TUT4: variants seen among roughly 807,000 people sequenced by gnomAD.
TUT4 encodes the protein terminal uridylyltransferase 4.
A neutral mutation model predicts 192.2 loss-of-function variants in TUT4; 36 were observed. The ratio of observed to expected loss-of-function variants is 0.19; its 90% CI spans 0.14 to 0.25. The LOEUF (loss-of-function observed/expected upper bound fraction) is 0.25. Among genes scored for constraint, TUT4 ranks in the 10% least tolerant of loss-of-function variants. The pLI is 1.00. For missense variants in TUT4, 1,493 were observed against 1,957.2 expected, an observed-to-expected ratio of 0.76 and a Z score of 4.47; for synonymous variants, 618 against 666.0, an observed-to-expected ratio of 0.93 and a Z score of 1.11.
chr1:52,430,148 T>A (rs1651584336), intron 28 of TUT4, among the ~76,000 whole-genome samples: 1 of 152,102 alleles, frequency 6.6e-6, no homozygotes, highest in Non-Finnish European at 1.5e-5. Flanking sequence ...TACTTAGATA[T>A]CAGAAAAAAA....
At chr1:52,490,303 C>T (rs1670831997) in intron 8 of TUT4, among the ~76,000 whole-genome samples, 1 of 151,852 alleles carries the variant, frequency 6.6e-6, no homozygotes. Flanking sequence ...GGCACACACA[C>T]CCACCATGCC....
intron 2 of TUT4, among the ~76,000 whole-genome samples, chr1:52,518,733 C>T (rs1448147327): frequency 6.6e-6 from 1 of 152,152 alleles, no homozygotes; most frequent in Non-Finnish European, 1.5e-5. Context: ...TGTATGATTT[C>T]ATTTCTATGA....
chr1:52,493,556 C>T, intron 7 of TUT4, 55 bp downstream of exon 7: 1 of 1,250,708 alleles, frequency 8.0e-7, no homozygotes, highest in Non-Finnish European at 1.1e-6. Flanking sequence ...AACACATGTA[C>T]CTTTAGAAAG....
intron 28 of TUT4, among the ~76,000 whole-genome samples, chr1:52,429,146 C>T (rs1349344203): frequency 4.8e-5 from 7 of 146,370 alleles, no homozygotes; most frequent in South Asian, 4.4e-4. Context: ...TGCAGTGGCA[C>T]GATCTCGGCT....
At position 52,513,907 on chromosome 1, in the gene TUT4, G is replaced by A. The variant is rs139441428; in HGVS notation, c.882+1984C>T. ...CAAAATTATAACACCTAGCGCATAG[G>A]GCTGTTATGAGGATTAAATAACACA... On this transcript the variant is annotated intron_variant, in intron 3 of 29. Transcript: ENST00000257177. 5.0e-3 allele frequency among the ~76,000 whole-genome samples: 768 copies of A among 152,104 alleles called. 8 individuals are homozygous for A. The highest frequency in any genetic ancestry group is 0.017 in the African/African-American group (711 of 41,484).
At chr1:52,445,699 A>C in intron 24 of TUT4, 88 bp downstream of exon 24, 1 of 959,146 alleles carries the variant, frequency 1.0e-6, no homozygotes, top group Non-Finnish European at 1.6e-6. Context: ...CTCTTTCCCT[A>C]TATCTAACAT....
intron 4 of TUT4, among the ~76,000 whole-genome samples, chr1:52,508,523 C>T (rs1027776477): frequency 1.3e-5 from 2 of 152,032 alleles, no homozygotes; most frequent in African/African-American, 4.8e-5. Flanking sequence ...AGACACTGTC[C>T]TAAGGAACTC....
At chr1:52,431,608 A>C (rs1231696647) in intron 27 of TUT4, 148 bp from the exon 28 acceptor site, 2 of 611,942 alleles carry the variant, frequency 3.3e-6, no homozygotes, top group Non-Finnish European at 4.9e-6. Context: ...CAAGGTACTC[A>C]AACCCCCTTT....
intron 4 of TUT4, among the ~76,000 whole-genome samples, 179 bp from the exon 5 acceptor site, chr1:52,497,362 T>TAAA (rs1672711236): frequency 6.6e-6 from 1 of 152,224 alleles, no homozygotes; most frequent in Non-Finnish European, 1.5e-5. Context: ...AGCAGGGTTT[T>TAAA]GAGAATGAGA....
rs1249324973 is a variant in TUT4, at chr1:52,468,439, G to GA, written c.2879-173dup. On this transcript the variant is annotated intron_variant, in intron 14 of 29. Coordinates refer to ENST00000257177, the MANE Select transcript of TUT4 (RefSeq NM_001009881.3). ...TGGGGAAGGGTCTGGGAGATAGAAG[G>GA]AAAAAAACTGTTTTTCTGTTTTAGC... 7 of 513,322 alleles carry GA rather than the reference G, an allele frequency of 1.4e-5. No individual in the cohort carries two copies. In the East Asian group the frequency reaches 2.4e-4, roughly 17 times the overall value. The allele number at this position is 513,322 out of a possible 1,614,324, so 31.8% of individuals were successfully genotyped here.
intron 2 of TUT4, among the ~76,000 whole-genome samples, chr1:52,523,064 C>T (rs1448936657): frequency 2.4e-5 from 3 of 125,254 alleles, no homozygotes; most frequent in African/African-American, 3.0e-5. Context: ...GCGATCCTGG[C>T]TCACTGCAAC....
intron 2 of TUT4, among the ~76,000 whole-genome samples, chr1:52,518,035 T>C (rs1413046805): frequency 6.6e-6 from 1 of 152,156 alleles, no homozygotes; most frequent in Non-Finnish European, 1.5e-5. Context: ...AACAAAATAA[T>C]ACCAGGCAGA....
chr1:52,488,830 A>T, intron 9 of TUT4, 79 bp downstream of exon 9: 1 of 1,428,702 alleles, frequency 7.0e-7, no homozygotes, highest in Non-Finnish European at 9.3e-7. Flanking sequence ...ATGTCAGTAC[A>T]AGAAAAGGCC....
intron 4 of TUT4, among the ~76,000 whole-genome samples, chr1:52,498,903 TATATATATA>T (rs1673247808): frequency 9.9e-4 from 1 of 1,006 alleles, no homozygotes; most frequent in African/African-American, 1.4e-3. Context: ...AAAAAAAAAT[TATATATATA>T]TATATATATA....
chr1:52,446,708 T>C (rs1307004166), intron 20 of TUT4, 41 bp from the exon 21 acceptor site: 2 of 1,497,864 alleles, frequency 1.3e-6, no homozygotes, highest in Non-Finnish European at 9.1e-7. Flanking sequence ...TTTCAAGTGA[T>C]CCAACCCAAA....
At chr1:52,440,545 A>G (rs1655230769) in intron 24 of TUT4, among the ~76,000 whole-genome samples, 3 of 151,958 alleles carry the variant, frequency 2.0e-5, no homozygotes, top group Non-Finnish European at 2.9e-5. Context: ...GACAACATAA[A>G]GGTCTTAATT....
chr1:52,521,246 A>G (rs1680191584), intron 2 of TUT4, among the ~76,000 whole-genome samples: 1 of 152,248 alleles, frequency 6.6e-6, no homozygotes, highest in Non-Finnish European at 1.5e-5. Context: ...CCAAAAAACA[A>G]AATTTTATTG....
chr1:52,489,367 G>A (rs996038527), intron 8 of TUT4, among the ~76,000 whole-genome samples: 1 of 152,134 alleles, frequency 6.6e-6, no homozygotes, highest in African/African-American at 2.4e-5. Context: ...GAGAGACAGG[G>A]CACTGATCTC....
rs1300529632 is a variant in TUT4, at chr1:52,431,203, G to A, written c.4521C>T (p.Pro1507=). The A allele has an allele frequency of 8.7e-6, 14 of 1,614,220 alleles. No individual in the cohort carries two copies. The highest frequency in any genetic ancestry group is 1.3e-5 in the African/African-American group (1 of 75,070). ...CAGAGTGGATCACTGGGCCATGGAT[G>A]GGCCAGGACGGGGCAGGGATCTGGA... is the stretch of plus-strand genomic sequence containing the variant. ...HPLQIPAPSW[P]IHGPVIHSAP... is the part of the protein sequence containing the mutation. Residue 1507 remains proline (P), a synonymous_variant, in exon 28 of 30, where the codon CCC becomes CCT. Transcript: ENST00000257177.
Sources: allele counts gnomAD v4.1 joint callset (sites outside exome capture counted in the v4.1 genomes callset), GRCh38; gene constraint gnomAD v4.1.1; transcripts MANE v1.5; gene names NCBI Gene and HGNC (gene_info 2026-07-23, HGNC 2026-07-21).